Variants in PGM3 observed in about 807,000 individuals in gnomAD.
PGM3 encodes phosphoglucomutase 3.
In PGM3, 40 loss-of-function variants were observed where a neutral mutation model predicts 66.2. The ratio of observed to expected loss-of-function variants is 0.60; its 90% CI spans 0.47 to 0.79. PGM3 has a LOEUF of 0.79. Ranked by LOEUF, PGM3 falls within the 30% of genes least tolerant of loss-of-function variation. The pLI, the probability that PGM3 is intolerant of heterozygous loss-of-function variation, is 0.00. For missense variants in PGM3, 537 were observed against 643.4 expected, an observed-to-expected ratio of 0.83 and a Z score of 1.79; for synonymous variants, 191 against 224.2, an observed-to-expected ratio of 0.85 and a Z score of 1.32.
At chr6:83,149,769 AAAG>A in the PGM3 span, among the ~76,000 whole-genome samples, 2 of 152,144 alleles carry the variant, frequency 1.3e-5, no homozygotes, top group African/African-American at 4.8e-5. Context: ...AGAACAGGAT[AAAG>A]AAGGAGAAGG....
At chr6:83,151,838 G>A in the PGM3 span, 22 of 1,573,460 alleles carry the variant, frequency 1.4e-5, no homozygotes, top group East Asian at 4.9e-4. Flanking sequence ...CATAACTAGT[G>A]TGCATGTGTG....
Position 83,188,695 on chromosome 6 carries a change from T to G in PGM3, c.308A>C (p.Gln103Pro). The G allele has an allele frequency of 1.2e-6, 2 of 1,614,088 alleles. No individual in the cohort carries two copies. The highest frequency in any genetic ancestry group is 1.7e-6 in the Non-Finnish European group (2 of 1,179,898). ...CTCGCTGATGTCAATAAGCACTCTC[T>G]GCATATCTTGTTCCTCAGCATTTGC... is the stretch of plus-strand genomic sequence containing the variant. ...CLANAEEQDM[Q>P]RVLIDISEKE... is the part of the protein sequence containing the mutation. Residue 103 changes from glutamine (Q) to proline (P), a missense_variant, in exon 3 of 13, where the codon CAG becomes CCG. Coordinates refer to ENST00000513973, the MANE Select transcript of PGM3 (RefSeq NM_015599.3).
At chr6:83,188,553 T>A in intron 3 of PGM3, 61 bp downstream of exon 3, 3 of 1,307,530 alleles carry the variant, frequency 2.3e-6, no homozygotes, top group Middle Eastern at 1.9e-4. Flanking sequence ...TTAAAACTGA[T>A]ACAATCGTTT....
chr6:83,167,458 A>G lies in PGM3; in HGVS notation c.*1776T>C, dbSNP rs541685949. The G allele has an allele frequency of 1.7e-5, 17 of 988,162 alleles. No homozygotes were observed. In the Admixed American group the frequency reaches 8.9e-4, roughly 51 times the overall value. 61.2% of individuals were successfully genotyped at this position (988,162 alleles called of 1,614,324 possible). A position where few individuals can be genotyped will look rare whatever the true frequency, so the allele number is the denominator to read the frequency against. On this transcript the variant is annotated 3_prime_UTR_variant, in exon 13 of 13. Transcript: ENST00000513973. ...TAAAAGGGGATATATTATGAAATGT[A>G]TAAAGCACTTTGTTCCTTTTTTCTG...
chr6:83,154,185 G>A, the PGM3 span: 84 of 1,613,714 alleles, frequency 5.2e-5, no homozygotes, highest in Admixed American at 1.3e-4. Context: ...TTCAGTTGGA[G>A]AGCAATTATG....
At chr6:83,191,350 A>G in intron 1 of PGM3, 1 of 841,952 alleles carries the variant, frequency 1.2e-6, no homozygotes, top group African/African-American at 1.7e-5. Flanking sequence ...ACACCTATTC[A>G]GAGACTCCAA....
chr6:83,153,258 C>T, the PGM3 span: 1 of 255,044 alleles, frequency 3.9e-6, no homozygotes, highest in African/African-American at 2.2e-5. Context: ...GGTTCTTGAA[C>T]TCTTTTCTTT....
intron 2 of PGM3, 37 bp from the exon 3 acceptor site, chr6:83,188,835 A>C (rs746267372): frequency 1.9e-6 from 3 of 1,567,334 alleles, no homozygotes; most frequent in East Asian, 2.2e-5. Flanking sequence ...ATCTGTGCAT[A>C]CTCATGAGGC....
chr6:83,165,490 C>T lies in PGM3; in HGVS notation c.*3744G>A, dbSNP rs1018731404. The T allele has an allele frequency of 6.5e-6, 1 of 154,412 alleles. No individual in the cohort carries two copies. Among genetic ancestry groups the T allele is most frequent in the African/African-American group, 2.4e-5 (1 of 41,484 alleles). The allele number at this position is 154,412 out of a possible 1,614,324, so 9.6% of individuals were successfully genotyped here. A position where few individuals can be genotyped will look rare whatever the true frequency, so the allele number is the denominator to read the frequency against. On this transcript the variant is annotated 3_prime_UTR_variant, in exon 13 of 13. Transcript: ENST00000513973. ...TTAAGTCATTATAACTAGGTTCACA[C>T]AAATCTTTATTAATTAAAATAGGAA...
intron 8 of PGM3, among the ~76,000 whole-genome samples, chr6:83,176,497 C>G (rs558034183): frequency 2.0e-5 from 3 of 152,178 alleles, no homozygotes; most frequent in Admixed American, 1.3e-4. Context: ...ACAGACCATA[C>G]ATAAACAAAT....
chr6:83,174,298 G>A (rs1306246672), intron 10 of PGM3, 76 bp downstream of exon 10: 6 of 750,754 alleles, frequency 8.0e-6, no homozygotes, highest in Non-Finnish European at 1.4e-5. Flanking sequence ...AATTTTGTAT[G>A]CACCCACACT....
chr6:83,158,750 G>T, downstream of PGM3: 1 of 695,120 alleles, frequency 1.4e-6, no homozygotes, highest in Non-Finnish European at 2.4e-6. Context: ...AATTGATTAC[G>T]TTTGGATATA....
chr6:83,162,980 T>A, downstream of PGM3: 1 of 1,513,506 alleles, frequency 6.6e-7, no homozygotes, highest in Non-Finnish European at 8.9e-7. Flanking sequence ...TAGTGAGGTA[T>A]TTATTAAATA....
rs1305049976 is a variant in PGM3, at chr6:83,167,461, A to G, written c.*1773T>C. On this transcript the variant is annotated 3_prime_UTR_variant, in exon 13 of 13. Transcript: ENST00000513973. ...AAGGGGATATATTATGAAATGTATA[A>G]AGCACTTTGTTCCTTTTTTCTGTAG... is the stretch of plus-strand genomic sequence containing the variant. 2.0e-6 allele frequency: 2 copies of G among 988,508 alleles called. No individual in the cohort carries two copies. Among genetic ancestry groups the G allele is most frequent in the African/African-American group, 3.5e-5 (2 of 57,320 alleles). The allele number at this position is 988,508 out of a possible 1,614,324, so 61.2% of individuals were successfully genotyped here.
chr6:83,154,432 A>G, the PGM3 span, among the ~76,000 whole-genome samples: 1 of 152,232 alleles, frequency 6.6e-6, no homozygotes, highest in Non-Finnish European at 1.5e-5. Flanking sequence ...AAATTTACAG[A>G]GGACAACTTA....
At chr6:83,174,352 C>T (rs778006080) in intron 10 of PGM3, 22 bp downstream of exon 10, 2 of 1,179,018 alleles carry the variant, frequency 1.7e-6, no homozygotes, top group Non-Finnish European at 2.5e-6. Context: ...AACCAAGAGT[C>T]CACTGCCCCA....
intron 5 of PGM3, 116 bp downstream of exon 5, chr6:83,182,729 T>C: frequency 1.1e-6 from 1 of 929,584 alleles, no homozygotes; most frequent in Non-Finnish European, 1.7e-6. Context: ...AAAAAGGAGA[T>C]ATGCAGCATC....
intron 10 of PGM3, 107 bp downstream of exon 10, chr6:83,174,267 A>G: frequency 1.6e-6 from 1 of 636,996 alleles, no homozygotes; most frequent in East Asian, 3.1e-5. Context: ...GGAAGCCACC[A>G]GGCCAGGACG....
At position 83,174,354 on chromosome 6, in the gene PGM3, A is replaced by G. The variant is rs771946820; in HGVS notation, c.1242+20T>C. The G allele has an allele frequency of 8.2e-6, 10 of 1,226,282 alleles. No individual in the cohort carries two copies. In the Admixed American group the frequency reaches 1.2e-4, roughly 15 times the overall value. 76.0% of individuals were successfully genotyped at this position (1,226,282 alleles called of 1,614,324 possible). On this transcript the variant is annotated intron_variant, in intron 10 of 12. Transcript: ENST00000513973. ...ATAATGTAAAGGTAACCAAGAGTCC[A>G]CTGCCCCATCAGTTCTGACCTGGTT...
Sources: allele counts gnomAD v4.1 joint callset (sites outside exome capture counted in the v4.1 genomes callset), GRCh38; gene constraint gnomAD v4.1.1; transcripts MANE v1.5; gene names NCBI Gene and HGNC (gene_info 2026-07-23, HGNC 2026-07-21).